The following GFM2 variants were observed in gnomAD, a reference collection of about 807,000 sequenced individuals.
GFM2 encodes the protein GTP dependent ribosome recycling factor mitochondrial 2, also known as ribosome-releasing factor 2, mitochondrial.
Under a neutral mutation model 95.4 loss-of-function variants are expected in GFM2, and 72 were observed. The observed-to-expected ratio is 0.76, with a 90% CI of 0.62 to 0.92. GFM2 has a LOEUF of 0.92. Ranked by LOEUF, GFM2 falls within the 40% of genes least tolerant of loss-of-function variation. The probability of loss-of-function intolerance (pLI) is 0.00; values close to 1 mark genes in which losing one functional copy is unlikely to be tolerated. For synonymous variants in GFM2, 276 were observed against 317.5 expected (o/e 0.87, Z 1.39); for missense variants, 825 against 924.1 (o/e 0.89, Z 1.39).
chr5:74,730,470 T>C, intron 16 of GFM2, 72 bp from the exon 17 acceptor site: 1 of 1,045,696 alleles, frequency 9.6e-7, no homozygotes, highest in South Asian at 2.2e-5. Flanking sequence ...TATAAAAGTA[T>C]GATGTTAATA....
Position 74,733,057 on chromosome 5 carries a change from T to C in GFM2, c.1552A>G (p.Ser518Gly). 6.2e-7 allele frequency: 1 copy of C among 1,612,994 alleles called. No homozygotes were observed. The highest frequency in any genetic ancestry group is 8.5e-7 in the Non-Finnish European group (1 of 1,179,194). ...TCAGGATCTAGCCTCACTTTCAAACTGGGATCTTCACGCTGAAGACATTTC... is the reference window on the plus strand; with the variant it reads ...TCAGGATCTAGCCTCACTTTCAAACCGGGATCTTCACGCTGAAGACATTTC... ...ALKCLQREDP[S>G]LKVRLDPDSG... Residue 518 changes from serine (S) to glycine (G), a missense_variant, in exon 16 of 21, where the codon AGT becomes GGT. Ser to Gly is a moderately conservative substitution (Grantham distance 56). Transcript: ENST00000296805.
intron 8 of GFM2, among the ~76,000 whole-genome samples, chr5:74,747,255 A>G (rs2112302969): frequency 6.6e-6 from 1 of 152,346 alleles, no homozygotes; most frequent in East Asian, 1.9e-4. Flanking sequence ...CTTTATTGAC[A>G]GTATCTTACC....
At position 74,746,115 on chromosome 5, in the gene GFM2, A is replaced by T. The variant is rs756271982; in HGVS notation, c.659T>A (p.Leu220Ter). 4 of 1,554,506 alleles carry T rather than the reference A, an allele frequency of 2.6e-6. No homozygotes were observed. The highest frequency in any genetic ancestry group is 3.5e-6 in the Non-Finnish European group (4 of 1,158,404). ...SIREKLKAKP[L>*]LLQLPIGEAK... is the part of the protein sequence containing the mutation. ...TATTAACCAATTTACCTGTAAAAGC[A>T]AAGGCTTTGCCTTTAACTTCTCTCT... Residue 220 changes from leucine (L) to a stop codon, truncating the protein, a stop_gained, in exon 9 of 21, where the codon TTG becomes TAG. Coordinates refer to ENST00000296805, the MANE Select transcript of GFM2 (RefSeq NM_032380.5). LOFTEE classifies it high-confidence loss of function.
chr5:74,743,863 T>G (rs949282586), intron 10 of GFM2, among the ~76,000 whole-genome samples: 26 of 152,230 alleles, frequency 1.7e-4, no homozygotes, highest in Non-Finnish European at 3.4e-4. Context: ...TTTGAGCTGC[T>G]GTTTCCCCAT....
At chr5:74,757,526 T>C (rs1156267085) in intron 5 of GFM2, among the ~76,000 whole-genome samples, 4 of 152,092 alleles carry the variant, frequency 2.6e-5, no homozygotes, top group Non-Finnish European at 5.9e-5. Context: ...GAGCCCAGTT[T>C]GAGACCAGCC....
Position 74,725,613 on chromosome 5 carries a change from G to A in GFM2, c.2028+27C>T, listed in dbSNP as rs761513829. On this transcript the variant is annotated intron_variant, in intron 19 of 20. Coordinates refer to ENST00000296805, the MANE Select transcript of GFM2 (RefSeq NM_032380.5). ...CTATACTCAGAAGAGTCACCTTAAA[G>A]CCATAAGGATTAGGATAGTTCTATA... The A allele has an allele frequency of 4.8e-6, 7 of 1,461,994 alleles. No individual in the cohort carries two copies. In the African/African-American group the frequency reaches 9.8e-5, roughly 20 times the overall value. The allele number at this position is 1,461,994 out of a possible 1,614,324, so 90.6% of individuals were successfully genotyped here.
At position 74,736,949 on chromosome 5, in the gene GFM2, T is replaced by C. The variant is rs762657718; in HGVS notation, c.1357A>G (p.Ser453Gly). 9.9e-6 allele frequency: 16 copies of C among 1,613,738 alleles called. No individual in the cohort carries two copies. In the South Asian group the frequency reaches 1.6e-4, roughly 17 times the overall value. ...TGDTIVSSKS[S>G]ALAAARRAER... ...GCTCTACGAGCTGCAGCTAATGCAC[T>C]GGACTTGGATGAGACAATGGTGTCT... Residue 453 changes from serine (S) to glycine (G), a missense_variant, in exon 15 of 21, where the codon AGT (serine) becomes GGT (glycine). Coordinates refer to ENST00000296805, the MANE Select transcript of GFM2 (RefSeq NM_032380.5).
intron 17 of GFM2, among the ~76,000 whole-genome samples, chr5:74,728,922 G>T (rs1024974972): frequency 6.6e-6 from 1 of 151,502 alleles, no homozygotes; most frequent in Admixed American, 6.6e-5. Context: ...TTCCCAGCTA[G>T]TTTTTGTATT....
At chr5:74,765,372 T>A (rs1470334273) in intron 1 of GFM2, among the ~76,000 whole-genome samples, 1 of 152,148 alleles carries the variant, frequency 6.6e-6, no homozygotes, top group Non-Finnish European at 1.5e-5. Flanking sequence ...AGTCAGGGGA[T>A]ACAGACAACA....
chr5:74,726,198 A>G (rs1385266783), intron 17 of GFM2, 72 bp from the exon 18 acceptor site: 2 of 1,047,846 alleles, frequency 1.9e-6, no homozygotes, highest in African/African-American at 1.6e-5. Context: ...AAACAGCAAA[A>G]TTATCATCAA....
At position 74,765,155 on chromosome 5, in the gene GFM2, G is replaced by GTAATAGACATT. The variant is rs1744497023; in HGVS notation, c.-24-1400_-24-1390dup. ...TCATAGTCTCTCCACAGTTGTGACT[G>GTAATAGACATT]TAATAGACATTTTCCTCTTCTTTAA... On this transcript the variant is annotated intron_variant, in intron 1 of 20. Coordinates refer to ENST00000296805, the MANE Select transcript of GFM2 (RefSeq NM_032380.5). The GTAATAGACATT allele has an allele frequency of 1.9e-5, 21 of 1,105,474 alleles. 1 individual carries two copies. The South Asian group carries it at 3.2e-4, about 17-fold the overall frequency. 68.5% of individuals were successfully genotyped at this position (1,105,474 alleles called of 1,614,324 possible). A position where few individuals can be genotyped will look rare whatever the true frequency, so the allele number is the denominator to read the frequency against.
chr5:74,766,917 A>G (rs1015902098), intron 1 of GFM2, 21 bp downstream of exon 1: 2 of 155,144 alleles, frequency 1.3e-5, no homozygotes, highest in African/African-American at 4.8e-5. Flanking sequence ...GCGATGTCTC[A>G]CAGCTCGGAG....
intron 5 of GFM2, among the ~76,000 whole-genome samples, chr5:74,756,220 A>G (rs554138040): frequency 5.9e-5 from 9 of 152,346 alleles, no homozygotes; most frequent in Admixed American, 3.3e-4. Flanking sequence ...TAAAGTAATG[A>G]AAGCTAACTA....
Position 74,733,112 on chromosome 5 carries a change from A to T in GFM2, c.1511-14T>A. ...CATGTTCCAAATCTATGGGATAAAC[A>T]ACTGTTATCTTTACATTTCATTTTT... On this transcript the variant is annotated splice_polypyrimidine_tract_variant and intron_variant, in intron 15 of 20. Transcript: ENST00000296805. 6.4e-7 allele frequency: 1 copy of T among 1,565,966 alleles called. No homozygotes were observed. Among genetic ancestry groups the T allele is most frequent in the Non-Finnish European group, 8.8e-7 (1 of 1,136,372 alleles).
At chr5:74,762,775 T>C (rs1211844728) in intron 2 of GFM2, among the ~76,000 whole-genome samples, 2 of 152,228 alleles carry the variant, frequency 1.3e-5, no homozygotes, top group South Asian at 4.1e-4. Flanking sequence ...AATGTGGATA[T>C]GCTGGGCAAA....
chr5:74,763,139 A>T (rs1744368090), intron 2 of GFM2, among the ~76,000 whole-genome samples: 1 of 152,256 alleles, frequency 6.6e-6, no homozygotes, highest in African/African-American at 2.4e-5. Flanking sequence ...TGTTTTGAAG[A>T]GGATTCAGGA....
At chr5:74,729,732 TG>T (rs967035787) in intron 17 of GFM2, among the ~76,000 whole-genome samples, 6 of 151,706 alleles carry the variant, frequency 4.0e-5, no homozygotes, top group Non-Finnish European at 7.4e-5. Context: ...ACTTTCTTCT[TG>T]GGGGTGAGTA....
intron 5 of GFM2, among the ~76,000 whole-genome samples, chr5:74,757,787 T>C (rs1744073133): frequency 6.9e-6 from 1 of 145,528 alleles, no homozygotes; most frequent in Non-Finnish European, 1.5e-5. Context: ...TCTTGACACA[T>C]GCTACAACAT....
chr5:74,758,680 TAAG>T (rs1375053234), intron 5 of GFM2, among the ~76,000 whole-genome samples, 166 bp downstream of exon 5: 4 of 152,348 alleles, frequency 2.6e-5, no homozygotes, highest in East Asian at 1.9e-4. Flanking sequence ...TAGTTGAATC[TAAG>T]AAGACCCTTT....
Sources: allele counts gnomAD v4.1 joint callset (sites outside exome capture counted in the v4.1 genomes callset), GRCh38; gene constraint gnomAD v4.1.1; transcripts MANE v1.5; gene names NCBI Gene and HGNC (gene_info 2026-07-23, HGNC 2026-07-21).